The following GLCCI1 variants were observed in gnomAD, a reference collection of about 807,000 sequenced individuals.
GLCCI1 encodes the protein glucocorticoid induced 1.
A neutral mutation model predicts 52.2 loss-of-function variants in GLCCI1; 24 were observed. The observed-to-expected ratio is 0.46, with a 90% CI of 0.33 to 0.65. The LOEUF (loss-of-function observed/expected upper bound fraction) is 0.65, where lower values mean the gene tolerates loss of function less well. GLCCI1 is among the 30% of genes least tolerant of loss of function. The pLI is 0.02. For missense variants in GLCCI1, 704 were observed against 701.5 expected (o/e 1.00, Z -0.04); for synonymous variants, 310 against 276.5 (o/e 1.12, Z -1.20).
At chr7:7,984,017 A>G (rs1040749591) in intron 1 of GLCCI1, among the ~76,000 whole-genome samples, 2 of 152,176 alleles carry the variant, frequency 1.3e-5, no homozygotes, top group Non-Finnish European at 2.9e-5. Context: ...AAGTTCTATT[A>G]AGTGAATTTT....
intron 1 of GLCCI1, among the ~76,000 whole-genome samples, chr7:8,001,847 G>T (rs775166958): frequency 1.3e-5 from 2 of 151,912 alleles, no homozygotes; most frequent in African/African-American, 4.8e-5. Flanking sequence ...GCAAATTATC[G>T]CAAGGACCAA....
intron 3 of GLCCI1, among the ~76,000 whole-genome samples, chr7:8,031,915 T>C (rs1399820896): frequency 2.0e-5 from 3 of 152,056 alleles, no homozygotes; most frequent in African/African-American, 7.2e-5. Context: ...TAAGGATATA[T>C]GCATCTAACA....
intron 3 of GLCCI1, among the ~76,000 whole-genome samples, chr7:8,024,306 G>C (rs145626649): frequency 2.0e-5 from 3 of 152,248 alleles, no homozygotes; most frequent in African/African-American, 7.2e-5. Flanking sequence ...GACCTACTCA[G>C]CTCCTTCTGC....
intron 6 of GLCCI1, among the ~76,000 whole-genome samples, chr7:8,083,130 T>A (rs74708351): frequency 0.036 from 5,554 of 152,252 alleles, 336 homozygotes; most frequent in African/African-American, 0.13. Flanking sequence ...ATTTTTATTT[T>A]AAAAATTTCT....
At chr7:8,076,070 T>C (rs1201311997) in intron 6 of GLCCI1, among the ~76,000 whole-genome samples, 1 of 152,236 alleles carries the variant, frequency 6.6e-6, no homozygotes, top group Non-Finnish European at 1.5e-5. Context: ...TTCCTATTCC[T>C]TTATACGTAT....
chr7:8,030,577 A>G (rs1302876623), intron 3 of GLCCI1, among the ~76,000 whole-genome samples: 1 of 152,192 alleles, frequency 6.6e-6, no homozygotes, highest in Non-Finnish European at 1.5e-5. Flanking sequence ...ACAGCAAACA[A>G]TCAACAGTGT....
chr7:8,087,669 A>T lies in GLCCI1; in HGVS notation c.*1131A>T, dbSNP rs1372556236. 6.6e-6 allele frequency: 1 copy of T among 152,644 alleles called. No individual in the cohort carries two copies. Among genetic ancestry groups the T allele is most frequent in the Non-Finnish European group, 1.5e-5 (1 of 68,044 alleles). The allele number at this position is 152,644 out of a possible 1,614,324, so 9.5% of individuals were successfully genotyped here. ...CTTTTTGTTATTGTCTTCCTCAAGC[A>T]GTTTAGGTGCATGATCTTCATTTAC... On this transcript the variant is annotated 3_prime_UTR_variant, in exon 8 of 8. Transcript: ENST00000223145.
intron 5 of GLCCI1, among the ~76,000 whole-genome samples, chr7:8,068,514 G>A (rs1262570375): frequency 1.3e-5 from 2 of 152,140 alleles, no homozygotes; most frequent in African/African-American, 2.4e-5. Context: ...TTCTTACAAT[G>A]GCCATTTCAT....
intron 4 of GLCCI1, among the ~76,000 whole-genome samples, chr7:8,058,510 G>A (rs9648623): frequency 0.2 from 30,082 of 152,070 alleles, 3,329 homozygotes; most frequent in African/African-American, 0.28. Flanking sequence ...CAATTAAGTG[G>A]CACTCTGCCT....
In GLCCI1 at chr7:8,060,127, T is replaced by C. The variant is rs921683868; in HGVS notation, c.845T>C (p.Leu282Pro). The part of the protein sequence containing the change: ...ATGSRSVPMP[L>P]SNISVPKSSV... ...GGATCAAGGTCAGTTCCTATGCCACTGTCAAATATATCAGTGCCAAAATCA... is the reference window on the plus strand; with the variant it reads ...GGATCAAGGTCAGTTCCTATGCCACCGTCAAATATATCAGTGCCAAAATCA... The change falls in exon 5 of 8, where the codon CTG becomes CCG. Residue 282 changes from leucine (L) to proline (P), a missense_variant. Around this residue, in one of 3 missense-constraint regions of GLCCI1, gnomAD observed 547 missense variants for 524.8 expected, o/e 1.04. Coordinates refer to ENST00000223145, the MANE Select transcript of GLCCI1 (RefSeq NM_138426.4). The C allele has an allele frequency of 6.2e-7, 1 of 1,613,756 alleles. No individual in the cohort carries two copies.
intron 1 of GLCCI1, among the ~76,000 whole-genome samples, chr7:8,000,437 A>G (rs1583959993): frequency 6.6e-6 from 1 of 152,180 alleles, no homozygotes; most frequent in East Asian, 1.9e-4. Flanking sequence ...AACAAACAAT[A>G]AAACAGAAAG....
At chr7:7,997,349 A>G (rs1368455596) in intron 1 of GLCCI1, among the ~76,000 whole-genome samples, 4 of 152,182 alleles carry the variant, frequency 2.6e-5, no homozygotes, top group Non-Finnish European at 5.9e-5. Context: ...AATTTCTACT[A>G]ATAAAATTGA....
At chr7:8,009,770 G>A (rs116609754) in intron 2 of GLCCI1, among the ~76,000 whole-genome samples, 3,927 of 151,978 alleles carry the variant, frequency 0.026, 173 homozygotes, top group African/African-American at 0.087. Flanking sequence ...CTATAATCTA[G>A]TCTTTACTAA....
intron 3 of GLCCI1, among the ~76,000 whole-genome samples, chr7:8,028,813 T>C (rs1781684218): frequency 6.6e-6 from 1 of 152,174 alleles, no homozygotes; most frequent in Non-Finnish European, 1.5e-5. Context: ...CATTAGTGGC[T>C]ACTTTGAACA....
Position 8,086,811 on chromosome 7 carries a change from C to A in GLCCI1, c.*273C>A. 2.9e-6 allele frequency: 1 copy of A among 339,838 alleles called. No individual in the cohort carries two copies. Among genetic ancestry groups the A allele is most frequent in the Non-Finnish European group, 5.3e-6 (1 of 187,752 alleles). The allele number at this position is 339,838 out of a possible 1,614,324, so 21.1% of individuals were successfully genotyped here. ...ATATTTGACAGATTAGTACTGTGTC[C>A]TGTGTTTTGTTCCAGATTCTTCAGT... On this transcript the variant is annotated 3_prime_UTR_variant, in exon 8 of 8. Transcript: ENST00000223145. The surrounding 1 kb of genome is among the most constrained non-coding windows in gnomAD (Gnocchi z 4.4).
intron 3 of GLCCI1, among the ~76,000 whole-genome samples, chr7:8,025,595 A>T (rs936859125): frequency 3.3e-5 from 5 of 152,204 alleles, no homozygotes; most frequent in African/African-American, 4.8e-5. Flanking sequence ...CAGAGCAGAG[A>T]AAAAGAATCA....
At chr7:7,996,740 A>G (rs1309077253) in intron 1 of GLCCI1, among the ~76,000 whole-genome samples, 1 of 152,152 alleles carries the variant, frequency 6.6e-6, no homozygotes, top group African/African-American at 2.4e-5. Context: ...GGTCAGAAGC[A>G]TGTTTGTTTC....
intron 1 of GLCCI1, among the ~76,000 whole-genome samples, chr7:8,002,996 T>C (rs921692629): frequency 1.3e-5 from 2 of 152,232 alleles, no homozygotes; most frequent in Non-Finnish European, 2.9e-5. Context: ...TCAGTATTCC[T>C]CTAGGACTCA....
rs180686195 is a variant in GLCCI1, at chr7:8,085,462, T to G, written c.1298+445T>G. On this transcript the variant is annotated intron_variant, in intron 7 of 7. Coordinates refer to ENST00000223145, the MANE Select transcript of GLCCI1 (RefSeq NM_138426.4). Reference sequence around the variant, plus strand: ...GTTCACAAGGGGTTTGTTATCTTCATGAAATTTTAATATGTGTAAGTTAGA... The same window carrying G: ...GTTCACAAGGGGTTTGTTATCTTCAGGAAATTTTAATATGTGTAAGTTAGA... Among the ~76,000 whole-genome samples, 483 of 152,344 alleles carry G rather than the reference T, an allele frequency of 3.2e-3. 3 individuals are homozygous for G. Among genetic ancestry groups the G allele is most frequent in the African/African-American group, 0.011 (465 of 41,578 alleles).
Sources: gnomAD v4.1 joint callset for allele counts (sites outside exome capture counted in the v4.1 genomes callset) on GRCh38, gnomAD v4.1.1 for gene constraint, gnomAD v4.1.1 regional missense constraint, Gnocchi (gnomAD v3.1) non-coding constraint, MANE v1.5 for transcripts, NCBI Gene and HGNC (gene_info 2026-07-23, HGNC 2026-07-21) for gene names.